The following SLC8A1 variants were observed in gnomAD, a reference collection of about 807,000 sequenced individuals.
SLC8A1 encodes the protein solute carrier family 8 member A1.
Under a neutral mutation model 68.3 loss-of-function variants are expected in SLC8A1, and 18 were observed. The observed-to-expected ratio is 0.26, with a 90% CI of 0.18 to 0.39. SLC8A1 has a LOEUF of 0.39. Among genes scored for constraint, SLC8A1 ranks in the 10% least tolerant of loss-of-function variants. The pLI, the probability that SLC8A1 is intolerant of heterozygous loss-of-function variation, is 1.00. For synonymous variants in SLC8A1, 475 were observed against 415.5 expected (o/e 1.14, Z -1.74); for missense variants, 985 against 1,156.7 (o/e 0.85, Z 2.15).
chr2:40,113,243 A>G (rs1360123675), exon 8 of SLC8A1: 1 of 152,650 alleles, frequency 6.6e-6, no homozygotes, highest in Non-Finnish European at 1.5e-5. Context: ...ATAAGTCTCA[A>G]CAGCTTTAAT....
At chr2:40,312,673 T>C (rs1296003859) in intron 2 of SLC8A1, among the ~76,000 whole-genome samples, 1 of 152,048 alleles carries the variant, frequency 6.6e-6, no homozygotes, top group African/African-American at 2.4e-5. Flanking sequence ...CATTGGAAAA[T>C]ACAAGATAAG....
intron 2 of SLC8A1, among the ~76,000 whole-genome samples, chr2:40,263,798 T>G (rs1478535583): frequency 6.6e-6 from 1 of 152,154 alleles, no homozygotes; most frequent in Non-Finnish European, 1.5e-5. Flanking sequence ...GGCAAGGACT[T>G]CATGTCTAAA....
At position 40,348,923 on chromosome 2, in the gene SLC8A1, C is replaced by T. The variant is rs142899242; in HGVS notation, c.1808+79550G>A. 5.9e-5 allele frequency among the ~76,000 whole-genome samples: 9 copies of T among 152,300 alleles called. No individual in the cohort carries two copies. The East Asian group carries it at 1.2e-3, about 20-fold the overall frequency. ...TTTGACCTAATGAAGAGAAAAATGA[C>T]TCAGAATAAATGAATCTTCCCACTA... On this transcript the variant is annotated intron_variant, in intron 2 of 7. Coordinates refer to ENST00000406785, the Ensembl canonical transcript of SLC8A1.
intron 1 of SLC8A1, among the ~76,000 whole-genome samples, chr2:40,484,289 T>A (rs1704813162): frequency 6.6e-6 from 1 of 152,128 alleles, no homozygotes; most frequent in Non-Finnish European, 1.5e-5. Flanking sequence ...ACTGCAGTGA[T>A]GATAGTGCCA....
chr2:40,176,976 A>G (rs1214637813), intron 3 of SLC8A1, among the ~76,000 whole-genome samples: 1 of 152,200 alleles, frequency 6.6e-6, no homozygotes, highest in East Asian at 1.9e-4. Context: ...CTTTCCTATG[A>G]AATATATGCC....
At chr2:40,449,354 A>G (rs1489181972) in intron 1 of SLC8A1, among the ~76,000 whole-genome samples, 2 of 152,186 alleles carry the variant, frequency 1.3e-5, no homozygotes, top group African/African-American at 4.8e-5. Context: ...GAATACTAAG[A>G]GGAATCATGT....
chr2:40,348,106 G>T (rs1156851739), intron 2 of SLC8A1, among the ~76,000 whole-genome samples: 2 of 152,116 alleles, frequency 1.3e-5, no homozygotes, highest in Non-Finnish European at 2.9e-5. Context: ...TTTTTACATG[G>T]GCTGAAATGT....
chr2:40,392,592 C>T (rs1685653324), intron 2 of SLC8A1, among the ~76,000 whole-genome samples: 1 of 152,110 alleles, frequency 6.6e-6, no homozygotes, highest in African/African-American at 2.4e-5. Flanking sequence ...TGCTGAAGAT[C>T]TACCAATTTG....
chr2:40,302,437 T>TTGTGTGTGTGTG (rs60780425), intron 2 of SLC8A1, among the ~76,000 whole-genome samples: 2 of 132,930 alleles, frequency 1.5e-5, no homozygotes, highest in African/African-American at 5.4e-5. Flanking sequence ...TAGTATTCCA[T>TTGTGTGTGTGTG]TGTGTGTGTG....
intron 2 of SLC8A1, chr2:40,209,084 CA>C: frequency 6.6e-6 from 1 of 151,852 alleles, no homozygotes; most frequent in Middle Eastern, 3.4e-3. Context: ...TGAGATGAGA[CA>C]GGTGCATGTA....
chr2:40,493,846 C>G (rs1015814054), intron 1 of SLC8A1, among the ~76,000 whole-genome samples: 2 of 151,824 alleles, frequency 1.3e-5, no homozygotes, highest in African/African-American at 2.4e-5. Context: ...TAGCTATGTT[C>G]CATCTTTGTA....
exon 3 of SLC8A1, chr2:40,177,825 A>G (rs1436651847): frequency 6.4e-7 from 1 of 1,551,002 alleles, no homozygotes; most frequent in Middle Eastern, 1.7e-4. Flanking sequence ...CATATTCCTC[A>G]CGGTCAAATA....
At chr2:40,321,024 C>T (rs1037737767) in intron 2 of SLC8A1, among the ~76,000 whole-genome samples, 3 of 152,260 alleles carry the variant, frequency 2.0e-5, no homozygotes, top group Non-Finnish European at 4.4e-5. Context: ...AGGGAAGAGG[C>T]TGTAAACTCC....
rs939337154 is a variant in SLC8A1, at chr2:40,252,563, A to T, written c.1809-74708T>A. Among the ~76,000 whole-genome samples, 16 of 152,184 alleles carry T rather than the reference A, an allele frequency of 1.1e-4. 1 individual carries two copies. Among genetic ancestry groups the T allele is most frequent in the African/African-American group, 3.9e-4 (16 of 41,538 alleles). On this transcript the variant is annotated intron_variant, in intron 2 of 7. Coordinates refer to ENST00000406785, the Ensembl canonical transcript of SLC8A1. ...TGGCCAGGAGGGACTCAAACTCCTGACCTCAAGTGATCCACCTGCCTTGGC... is the reference window on the plus strand; with the variant it reads ...TGGCCAGGAGGGACTCAAACTCCTGTCCTCAAGTGATCCACCTGCCTTGGC...
intron 2 of SLC8A1, among the ~76,000 whole-genome samples, chr2:40,390,674 C>A (rs775467933): frequency 3.3e-5 from 5 of 152,176 alleles, no homozygotes; most frequent in Admixed American, 6.6e-5. Context: ...GTGCCATTTT[C>A]ACATACACAT....
Position 40,295,277 on chromosome 2 carries a change from T to C in SLC8A1, c.1809-117422A>G, listed in dbSNP as rs72939233. ...ACCATGCCCAGCTAATTTTAAAAAA[T>C]TATTTTGTAGAGCCTGGGTCTTGCT... On this transcript the variant is annotated intron_variant, in intron 2 of 7. Transcript: ENST00000406785. Among the ~76,000 whole-genome samples, 1,111 of 152,012 alleles carry C rather than the reference T, an allele frequency of 7.3e-3. 4 individuals are homozygous for C. Among genetic ancestry groups the C allele is most frequent in the Non-Finnish European group, 0.012 (788 of 67,968 alleles).
intron 2 of SLC8A1, among the ~76,000 whole-genome samples, chr2:40,414,751 A>G (rs1693283730): frequency 6.6e-6 from 1 of 152,184 alleles, no homozygotes; most frequent in Admixed American, 6.6e-5. Context: ...TGATAGGTCA[A>G]TATATTTATT....
intron 1 of SLC8A1, among the ~76,000 whole-genome samples, chr2:40,511,412 T>G (rs1331378099): frequency 6.6e-6 from 1 of 152,204 alleles, no homozygotes; most frequent in East Asian, 1.9e-4. Context: ...TATGCTTTAA[T>G]TTAATAACTA....
At chr2:40,225,345 G>A (rs983447263) in intron 2 of SLC8A1, among the ~76,000 whole-genome samples, 9 of 152,112 alleles carry the variant, frequency 5.9e-5, no homozygotes, top group African/African-American at 2.2e-4. Flanking sequence ...CAATAAGGAA[G>A]TATACATAAG....
Sources: allele counts gnomAD v4.1 joint callset (sites outside exome capture counted in the v4.1 genomes callset), GRCh38; gene constraint gnomAD v4.1.1; transcripts MANE v1.5; gene names NCBI Gene and HGNC (gene_info 2026-07-23, HGNC 2026-07-21).